Variants in CEP131 observed in about 807,000 individuals in gnomAD.
The protein encoded by CEP131 is centrosomal protein of 131 kDa.
A neutral mutation model predicts 136.8 loss-of-function variants in CEP131; 99 were observed. The observed-to-expected ratio is 0.72, with a 90% CI of 0.62 to 0.86. The LOEUF is 0.86. CEP131 is among the 40% of genes least tolerant of loss of function. The pLI is 0.00. For missense variants in CEP131, 1,459 were observed against 1,463.0 expected (o/e 1.00, Z 0.04); for synonymous variants, 646 against 612.7 (o/e 1.05, Z -0.80).
At chr17:81,216,328 C>T (rs2062246186) in intron 2 of CEP131, among the ~76,000 whole-genome samples, 1 of 152,032 alleles carries the variant, frequency 6.6e-6, no homozygotes, top group Non-Finnish European at 1.5e-5. Flanking sequence ...AAATGCACTC[C>T]AGCCTGGGCA....
chr17:81,207,193 T>A lies in CEP131; in HGVS notation c.319A>T (p.Ser107Cys). The change falls in exon 4 of 26, where the codon AGT (serine) becomes TGT (cysteine). Residue 107 changes from serine (S) to cysteine (C), a missense_variant. By Grantham distance (112) the Ser-to-Cys change is moderately radical. This residue lies in a region of CEP131 where 187 missense variants were observed against 179.9 expected (regional missense o/e 1.04). Coordinates refer to ENST00000450824, the MANE Select transcript of CEP131 (RefSeq NM_014984.4). The part of the protein sequence containing the change: ...DFLMLFEGSP[S>C]GKKRPASLST... The stretch of plus-strand genomic sequence containing the variant: ...AGGCTGGCAGGCCTCTTTTTCCCAC[T>A]GGGGCTGCCCTCGAAGAGCATCAGG... 1 of 1,613,590 alleles carries A rather than the reference T, an allele frequency of 6.2e-7. No homozygotes were observed. The highest frequency in any genetic ancestry group is 8.5e-7 in the Non-Finnish European group (1 of 1,179,898).
rs2061601888 is a variant in CEP131, at chr17:81,189,944, C to A, written c.3139G>T (p.Ala1047Ser). 17 of 1,611,326 alleles carry A rather than the reference C, an allele frequency of 1.1e-5. No individual in the cohort carries two copies. The highest frequency in any genetic ancestry group is 1.4e-5 in the Non-Finnish European group (17 of 1,178,622). The change falls in exon 25 of 26, where the codon GCC becomes TCC. Residue 1047 changes from alanine (A) to serine (S), a missense_variant. Around this residue, in one of 3 missense-constraint regions of CEP131, gnomAD observed 1,026 missense variants for 964.2 expected, o/e 1.06. Coordinates refer to ENST00000450824, the MANE Select transcript of CEP131 (RefSeq NM_014984.4). ...VKTALARKEE[A>S]VSSLRTQHEA... ...TGTTGTGTCCGGAGGCTGCTCACGG[C>A]CTCCTCCTTCCTCGCGAGGGCTGTC...
chr17:81,209,180 G>C (rs892413775), intron 2 of CEP131, among the ~76,000 whole-genome samples, 158 bp from the exon 3 acceptor site: 1 of 152,160 alleles, frequency 6.6e-6, no homozygotes, highest in Non-Finnish European at 1.5e-5. Flanking sequence ...GTGGTCAGAG[G>C]GGCAGGAGCA....
intron 7 of CEP131, among the ~76,000 whole-genome samples, chr17:81,201,353 A>AC (rs34278794): frequency 1.3e-5 from 2 of 151,856 alleles, no homozygotes; most frequent in African/African-American, 4.8e-5. Context: ...GCAGGGAGGT[A>AC]CCCCCGCGAC....
chr17:81,206,898 C>T lies in CEP131; in HGVS notation c.388-27G>A, dbSNP rs140196491. ...TGTCAGACAGCTCAGCCCATGACAC[C>T]GCCCGCACACACCCAGACACCCCAT... On this transcript the variant is annotated intron_variant, in intron 4 of 25. Coordinates refer to ENST00000450824, the MANE Select transcript of CEP131 (RefSeq NM_014984.4). 1.7e-5 allele frequency: 28 copies of T among 1,605,524 alleles called. No homozygotes were observed. In the East Asian group the frequency reaches 2.2e-4, roughly 13 times the overall value.
chr17:81,194,204 C>T, intron 17 of CEP131, 77 bp from the exon 18 acceptor site: 3 of 1,358,632 alleles, frequency 2.2e-6, no homozygotes, highest in South Asian at 1.6e-5. Flanking sequence ...CAAGACCAGC[C>T]TGTCTCAGGC....
intron 8 of CEP131, 58 bp from the exon 9 acceptor site, chr17:81,199,893 A>C: frequency 6.4e-7 from 1 of 1,560,274 alleles, no homozygotes; most frequent in Non-Finnish European, 8.8e-7. Flanking sequence ...ATCCAGACCC[A>C]GACCAGAGGT....
intron 11 of CEP131, 81 bp downstream of exon 11, chr17:81,198,796 C>G: frequency 7.1e-7 from 1 of 1,401,434 alleles, no homozygotes; most frequent in Non-Finnish European, 9.8e-7. Context: ...CTGGGAGAAG[C>G]TCAGCTCAGG....
rs911339103 is a variant in CEP131, at chr17:81,219,222, C to A, written c.177+658G>T. ...ACGGCTGTCCTGCTGCCCACACACC[C>A]ACACACCCGTCTAGGTTTCTCCAAG... On this transcript the variant is annotated intron_variant, in intron 2 of 25. Transcript: ENST00000450824. The surrounding 1 kb of genome is among the most constrained non-coding windows in gnomAD (Gnocchi z 4.0). Among the ~76,000 whole-genome samples the A allele has an allele frequency of 3.9e-5, 6 of 152,186 alleles. No homozygotes were observed. The highest frequency in any genetic ancestry group is 1.4e-4 in the African/African-American group (6 of 41,440).
intron 18 of CEP131, 118 bp from the exon 19 acceptor site, chr17:81,192,961 G>C: frequency 6.9e-7 from 1 of 1,445,772 alleles, no homozygotes; most frequent in Non-Finnish European, 9.1e-7. Flanking sequence ...AGCCCTCCGG[G>C]GCCCTGCCCC....
chr17:81,195,306 C>A (rs1452150010), intron 16 of CEP131, among the ~76,000 whole-genome samples: 2 of 152,168 alleles, frequency 1.3e-5, no homozygotes, highest in Non-Finnish European at 2.9e-5. Flanking sequence ...AGTCCTCAAC[C>A]CCGGCTGTCA....
In CEP131 at chr17:81,200,361, G is replaced by T; in HGVS notation, c.874C>A (p.Arg292Ser). Residue 292 changes from arginine (R) to serine (S), a missense_variant, in exon 8 of 26, where the codon CGC (arginine) becomes AGC (serine). Coordinates refer to ENST00000450824, the MANE Select transcript of CEP131 (RefSeq NM_014984.4). ...QVQRRGAGAARLEHLLQAKRE... is the reference protein window; with the variant it reads ...QVQRRGAGAASLEHLLQAKRE... ...TTGGCCTGAAGCAAGTGCTCCAGGCGGGCAGCTCCTGCTCCGCGCCGCTGC... is the reference window on the plus strand; with the variant it reads ...TTGGCCTGAAGCAAGTGCTCCAGGCTGGCAGCTCCTGCTCCGCGCCGCTGC... The T allele has an allele frequency of 6.3e-7, 1 of 1,590,058 alleles. No individual in the cohort carries two copies. The highest frequency in any genetic ancestry group is 2.3e-5 in the East Asian group (1 of 43,392).
rs540066838 is a variant in CEP131, at chr17:81,212,634, G to A, written c.178-3612C>T. ...CAGAGCATAGCACAGCATTGGTGGT[G>A]TTCTTCCCATGGGGTTTGGGTTATC... On this transcript the variant is annotated intron_variant, in intron 2 of 25. Coordinates refer to ENST00000450824, the MANE Select transcript of CEP131 (RefSeq NM_014984.4). 3.3e-5 allele frequency among the ~76,000 whole-genome samples: 5 copies of A among 151,758 alleles called. No individual in the cohort carries two copies. In the East Asian group the frequency reaches 9.7e-4, roughly 29 times the overall value.
chr17:81,203,191 C>A lies in CEP131; in HGVS notation c.629+303G>T, dbSNP rs1310039393. 6.6e-6 allele frequency among the ~76,000 whole-genome samples: 1 copy of A among 152,144 alleles called. No individual in the cohort carries two copies. Among genetic ancestry groups the A allele is most frequent in the Non-Finnish European group, 1.5e-5 (1 of 68,024 alleles). ...GCCCCACCTCAGGGTGAGCCCCAGACCTCACTGTGCCACATCTGGGCTGTT... is the reference window on the plus strand; with the variant it reads ...GCCCCACCTCAGGGTGAGCCCCAGAACTCACTGTGCCACATCTGGGCTGTT... On this transcript the variant is annotated intron_variant, in intron 6 of 25. Transcript: ENST00000450824. This position sits in a 1 kb window ranked among gnomAD's most constrained non-coding sequence, Gnocchi z 4.6.
At position 81,215,662 on chromosome 17, in the gene CEP131, T is replaced by G. The variant is rs12951012; in HGVS notation, c.177+4218A>C. Reference sequence around the variant, plus strand: ...CCTGACCTCAAGCAATCTGCCCACCTCGGCGTCCCAAAGTGCTGGGATTAC... The same window carrying G: ...CCTGACCTCAAGCAATCTGCCCACCGCGGCGTCCCAAAGTGCTGGGATTAC... On this transcript the variant is annotated intron_variant, in intron 2 of 25. Coordinates refer to ENST00000450824, the MANE Select transcript of CEP131 (RefSeq NM_014984.4). This position sits in a 1 kb window ranked among gnomAD's most constrained non-coding sequence, Gnocchi z 4.1. Among the ~76,000 whole-genome samples the G allele has an allele frequency of 8.3e-3, 1,254 of 151,856 alleles. 5 individuals are homozygous for G. Among genetic ancestry groups the G allele is most frequent in the Non-Finnish European group, 0.012 (793 of 67,904 alleles).
At position 81,215,766 on chromosome 17, in the gene CEP131, G is replaced by C. The variant is rs1219149261; in HGVS notation, c.177+4114C>G. 6.6e-6 allele frequency among the ~76,000 whole-genome samples: 1 copy of C among 152,106 alleles called. No individual in the cohort carries two copies. Among genetic ancestry groups the C allele is most frequent in the Non-Finnish European group, 1.5e-5 (1 of 68,034 alleles). ...CTCTGACCCAGTAGTTATCCTTTAGGATTTATTCTACAGGCGTATTTACAT... is the reference window on the plus strand; with the variant it reads ...CTCTGACCCAGTAGTTATCCTTTAGCATTTATTCTACAGGCGTATTTACAT... On this transcript the variant is annotated intron_variant, in intron 2 of 25. Transcript: ENST00000450824. This position sits in a 1 kb window ranked among gnomAD's most constrained non-coding sequence, Gnocchi z 4.1.
intron 2 of CEP131, among the ~76,000 whole-genome samples, chr17:81,211,784 T>A (rs1006819776): frequency 3.3e-5 from 5 of 151,098 alleles, no homozygotes; most frequent in Non-Finnish European, 7.4e-5. Context: ...AATAAAAAAA[T>A]TAGCCAGGCG....
At position 81,197,025 on chromosome 17, in the gene CEP131, G is replaced by GGGGCCC. The variant is rs1236651562; in HGVS notation, c.1672_1677dup (p.Gly558_Pro559dup). 3 of 1,593,038 alleles carry GGGGCCC rather than the reference G, an allele frequency of 1.9e-6. No individual in the cohort carries two copies. In the Admixed American group the frequency reaches 5.2e-5, roughly 28 times the overall value. ...GTGCTCACCTCGGACCCCAGCTCCA[G>GGGGCCC]GGGCCCCGGCCCCGCCTCCGGCACC... On this transcript the variant is annotated inframe_insertion, in exon 14 of 26. Coordinates refer to ENST00000450824, the MANE Select transcript of CEP131 (RefSeq NM_014984.4).
At chr17:81,196,356 G>A (rs1417964788) in intron 15 of CEP131, among the ~76,000 whole-genome samples, 1 of 152,170 alleles carries the variant, frequency 6.6e-6, no homozygotes, top group Non-Finnish European at 1.5e-5. Context: ...ACACACCTGT[G>A]ACAACTATCA....
Sources: gnomAD v4.1 joint callset for allele counts (sites outside exome capture counted in the v4.1 genomes callset) on GRCh38, gnomAD v4.1.1 for gene constraint, gnomAD v4.1.1 regional missense constraint, Gnocchi (gnomAD v3.1) non-coding constraint, MANE v1.5 for transcripts, NCBI Gene and HGNC (gene_info 2026-07-23, HGNC 2026-07-21) for gene names.